The following SCMH1 variants were observed in gnomAD, a reference collection of about 807,000 sequenced individuals.
The protein encoded by SCMH1 is Scm polycomb group protein homolog 1.
Under a neutral mutation model 70.8 loss-of-function variants are expected in SCMH1, and 37 were observed. The ratio of observed to expected loss-of-function variants is 0.52; its 90% CI spans 0.40 to 0.69. The LOEUF is 0.69. Ranked by LOEUF, SCMH1 falls within the 30% of genes least tolerant of loss-of-function variation. The pLI, the probability that SCMH1 is intolerant of heterozygous loss-of-function variation, is 0.00. For missense variants in SCMH1, 607 were observed against 827.3 expected (o/e 0.73, Z 3.27); for synonymous variants, 292 against 307.4 (o/e 0.95, Z 0.52).
intron 7 of SCMH1, among the ~76,000 whole-genome samples, chr1:41,114,919 C>A (rs1241648403): frequency 6.6e-6 from 1 of 152,120 alleles, no homozygotes; most frequent in East Asian, 1.9e-4. Flanking sequence ...CTCAAGTGAT[C>A]CGTATGCCTT....
chr1:41,032,837 G>T (rs1482225235), intron 13 of SCMH1, among the ~76,000 whole-genome samples: 1 of 152,066 alleles, frequency 6.6e-6, no homozygotes, highest in African/African-American at 2.4e-5. Context: ...AAATTAGCAG[G>T]GCGTAGTGGC....
chr1:41,098,332 CA>C (rs1399701830), intron 8 of SCMH1, among the ~76,000 whole-genome samples: 2 of 152,208 alleles, frequency 1.3e-5, no homozygotes, highest in African/African-American at 4.8e-5. Context: ...GACCTTTTAC[CA>C]GGCTTCAATT....
intron 1 of SCMH1, among the ~76,000 whole-genome samples, chr1:41,238,069 T>TC (rs1662756813): frequency 6.6e-6 from 1 of 152,204 alleles, no homozygotes; most frequent in Non-Finnish European, 1.5e-5. Flanking sequence ...ACACTGAAGC[T>TC]CACAGAGGCT....
intron 1 of SCMH1, among the ~76,000 whole-genome samples, chr1:41,230,685 T>C (rs1178794482): frequency 6.6e-6 from 1 of 150,702 alleles, no homozygotes; most frequent in Non-Finnish European, 1.5e-5. Context: ...ATTAAAGAAA[T>C]GATTCTCAGA....
At position 41,027,802 on chromosome 1, in the gene SCMH1, A is replaced by G. The variant is rs1222100862; in HGVS notation, c.*392T>C. 1.6e-5 allele frequency: 3 copies of G among 185,428 alleles called. No homozygotes were observed. The East Asian group carries it at 4.3e-4, about 27-fold the overall frequency. The allele number at this position is 185,428 out of a possible 1,614,324, so 11.5% of individuals were successfully genotyped here. A position where few individuals can be genotyped will look rare whatever the true frequency, so the allele number is the denominator to read the frequency against. On this transcript the variant is annotated 3_prime_UTR_variant, in exon 15 of 15. Transcript: ENST00000337495. ...GCACCACGAGTTTGGATTCAGGGGA[A>G]TCTGGTGAGAAGGTACGAGCTGTGG...
At chr1:41,221,807 G>C (rs1659344256) in intron 1 of SCMH1, among the ~76,000 whole-genome samples, 1 of 135,346 alleles carries the variant, frequency 7.4e-6, no homozygotes, top group Admixed American at 8.3e-5. Context: ...CAGAAGAATT[G>C]CTTAAACCCG....
intron 1 of SCMH1, among the ~76,000 whole-genome samples, chr1:41,228,928 T>C (rs978920276): frequency 6.6e-6 from 1 of 152,028 alleles, no homozygotes; most frequent in South Asian, 2.1e-4. Context: ...TTGGACCAGG[T>C]TGGTGGCAGT....
chr1:41,114,356 T>C (rs1008078508), intron 7 of SCMH1, among the ~76,000 whole-genome samples: 1 of 152,192 alleles, frequency 6.6e-6, no homozygotes, highest in African/African-American at 2.4e-5. Flanking sequence ...TGTTGTACAT[T>C]CTATTCTGTT....
At chr1:41,217,064 G>T (rs1658243685) in intron 1 of SCMH1, among the ~76,000 whole-genome samples, 1 of 152,168 alleles carries the variant, frequency 6.6e-6, no homozygotes, top group Non-Finnish European at 1.5e-5. Context: ...GTAACGGGTA[G>T]GGACTGAAAG....
chr1:41,114,083 T>C (rs1669871415), intron 7 of SCMH1, among the ~76,000 whole-genome samples: 2 of 152,218 alleles, frequency 1.3e-5, no homozygotes, highest in South Asian at 2.1e-4. Flanking sequence ...ATCTTTCCAA[T>C]TGTTTACTAT....
chr1:41,140,069 C>T (rs1643903714), intron 6 of SCMH1, among the ~76,000 whole-genome samples: 1 of 152,046 alleles, frequency 6.6e-6, no homozygotes, highest in Non-Finnish European at 1.5e-5. Flanking sequence ...CAAATAAACA[C>T]TGTTAATAAT....
At chr1:41,035,981 C>CCA (rs1157926150) in intron 13 of SCMH1, among the ~76,000 whole-genome samples, 3 of 152,162 alleles carry the variant, frequency 2.0e-5, no homozygotes, top group African/African-American at 7.2e-5. Context: ...GTAGTCCTGG[C>CCA]CACCACAATA....
chr1:41,058,372 T>C (rs1256993197), intron 10 of SCMH1, among the ~76,000 whole-genome samples: 2 of 107,518 alleles, frequency 1.9e-5, no homozygotes, highest in Non-Finnish European at 3.6e-5. Flanking sequence ...ATACATTTTC[T>C]TTCTTGTTTT....
At chr1:41,078,072 T>G (rs1314585924) in intron 8 of SCMH1, among the ~76,000 whole-genome samples, 3 of 152,000 alleles carry the variant, frequency 2.0e-5, no homozygotes, top group Non-Finnish European at 2.9e-5. Context: ...TATAAAAAAC[T>G]AAATGGACAT....
At chr1:41,161,503 A>G (rs1646028857) in intron 2 of SCMH1, 71 bp from the exon 3 acceptor site, 2 of 1,482,186 alleles carry the variant, frequency 1.3e-6, no homozygotes, top group East Asian at 2.5e-5. Flanking sequence ...ATTTGGCAGT[A>G]TGTATTAACA....
chr1:41,134,351 G>T (rs1373361675), intron 6 of SCMH1, among the ~76,000 whole-genome samples: 1 of 152,184 alleles, frequency 6.6e-6, no homozygotes, highest in Non-Finnish European at 1.5e-5. Flanking sequence ...AAAACTGGAA[G>T]CATTCCCTTT....
At chr1:41,235,700 T>C (rs1429645950) in intron 1 of SCMH1, among the ~76,000 whole-genome samples, 2 of 152,162 alleles carry the variant, frequency 1.3e-5, no homozygotes, top group African/African-American at 4.8e-5. Flanking sequence ...GCTCTGTGTG[T>C]GCCCTTCTTT....
intron 2 of SCMH1, among the ~76,000 whole-genome samples, chr1:41,181,713 G>A (rs533729685): frequency 0.015 from 2,257 of 152,244 alleles, 42 homozygotes; most frequent in African/African-American, 0.046. Flanking sequence ...GTGCTGGAGC[G>A]GATGTGGAGA....
At chr1:41,082,071 C>T (rs1017502201) in intron 8 of SCMH1, among the ~76,000 whole-genome samples, 7 of 152,066 alleles carry the variant, frequency 4.6e-5, no homozygotes, top group African/African-American at 1.4e-4. Flanking sequence ...AAGGCTAAAA[C>T]ATCAAATTTC....
Sources: allele counts gnomAD v4.1 joint callset (sites outside exome capture counted in the v4.1 genomes callset), GRCh38; gene constraint gnomAD v4.1.1; transcripts MANE v1.5; gene names NCBI Gene and HGNC (gene_info 2026-07-23, HGNC 2026-07-21).